MAPKAPK3: variants seen among roughly 807,000 people sequenced by gnomAD.
The protein encoded by MAPKAPK3 is MAPK activated protein kinase 3.
MAPKAPK3 carries 35 observed loss-of-function variants against 49.2 expected under a neutral mutation model. The observed-to-expected ratio is 0.71, with a 90% CI of 0.54 to 0.94. MAPKAPK3 has a LOEUF of 0.94. MAPKAPK3 is among the 40% of genes least tolerant of loss of function. The probability of loss-of-function intolerance (pLI) is 0.00; values close to 1 mark genes in which losing one functional copy is unlikely to be tolerated. For synonymous variants in MAPKAPK3, 178 were observed against 188.7 expected, an observed-to-expected ratio of 0.94 and a Z score of 0.46; for missense variants, 398 against 493.1, an observed-to-expected ratio of 0.81 and a Z score of 1.83.
At chr3:50,612,717 C>G (rs552019151), upstream of MAPKAPK3, 15 of 151,962 alleles carry the variant, frequency 9.9e-5, no homozygotes, top group African/African-American at 3.6e-4. Flanking sequence ...CCACCCCCAC[C>G]CCCCGCCAGA....
At chr3:50,637,031 T>C (rs981642810) in intron 2 of MAPKAPK3, among the ~76,000 whole-genome samples, 3 of 152,166 alleles carry the variant, frequency 2.0e-5, no homozygotes, top group Non-Finnish European at 4.4e-5. Flanking sequence ...TTCCTAAATA[T>C]GGACTCAGTG....
At chr3:50,611,996 T>A in exon 1 of MAPKAPK3, 1 of 321,976 alleles carries the variant, frequency 3.1e-6, no homozygotes, top group East Asian at 4.9e-5. Context: ...TTTGACAGAT[T>A]TCCAAGAACT....
At chr3:50,622,961 G>A (rs2032646704) in intron 2 of MAPKAPK3, among the ~76,000 whole-genome samples, 1 of 152,224 alleles carries the variant, frequency 6.6e-6, no homozygotes, top group Non-Finnish European at 1.5e-5. Context: ...ACTCTCCCTG[G>A]GGGGATGGTG....
intron 2 of MAPKAPK3, among the ~76,000 whole-genome samples, chr3:50,633,484 C>T (rs1014008192): frequency 4.6e-5 from 7 of 152,148 alleles, no homozygotes; most frequent in East Asian, 1.9e-4. Context: ...CACTCACCCA[C>T]GCACTGATGT....
At chr3:50,631,722 CAAGG>C (rs2032916089) in intron 2 of MAPKAPK3, among the ~76,000 whole-genome samples, 1 of 151,808 alleles carries the variant, frequency 6.6e-6, no homozygotes, top group Non-Finnish European at 1.5e-5. Flanking sequence ...GAAGACTTGT[CAAGG>C]AGGGAGTATG....
chr3:50,623,774 A>G (rs921935245), intron 2 of MAPKAPK3, among the ~76,000 whole-genome samples: 1 of 152,184 alleles, frequency 6.6e-6, no homozygotes, highest in African/African-American at 2.4e-5. Context: ...CATCTAAGTC[A>G]TCTCACTCCT....
rs547066123 is a variant in MAPKAPK3 at position 50,648,404 on chromosome 3, G to A, written c.*358G>A. ...GTGGCTGGGCTTCCCATCTTCCACA[G>A]AGACATCTCCCTGTGGGATGGGCAG... is the stretch of plus-strand genomic sequence containing the variant. On this transcript the variant is annotated 3_prime_UTR_variant, in exon 11 of 11. Coordinates refer to ENST00000621469, the MANE Select transcript of MAPKAPK3 (RefSeq NM_001243925.2). 4.3e-5 allele frequency: 8 copies of A among 185,074 alleles called. No individual in the cohort carries two copies. The highest frequency in any genetic ancestry group is 1.6e-4 in the African/African-American group (7 of 42,548). The allele number at this position is 185,074 out of a possible 1,614,324, so 11.5% of individuals were successfully genotyped here.
At chr3:50,634,635 C>T (rs1239393467) in intron 2 of MAPKAPK3, among the ~76,000 whole-genome samples, 2 of 152,044 alleles carry the variant, frequency 1.3e-5, no homozygotes, top group African/African-American at 2.4e-5. Flanking sequence ...ATTACAGGTG[C>T]GTACCACCAC....
chr3:50,622,627 G>A (rs1441273410), intron 2 of MAPKAPK3, among the ~76,000 whole-genome samples: 3 of 152,198 alleles, frequency 2.0e-5, no homozygotes, highest in Non-Finnish European at 1.5e-5. Flanking sequence ...CTTTTTCCAG[G>A]TTGCACCTTC....
At position 50,640,892 on chromosome 3, in the gene MAPKAPK3, A is replaced by T. The variant is rs2033164382; in HGVS notation, c.359+387A>T. On this transcript the variant is annotated intron_variant, in intron 3 of 10. Coordinates refer to ENST00000621469, the MANE Select transcript of MAPKAPK3 (RefSeq NM_001243925.2). ...CCTTTTGACCTGGGTATGTGCTCCC[A>T]TGGTCCCACCAGGAACTGGGTGCTT... is the stretch of plus-strand genomic sequence containing the variant. 2.6e-5 allele frequency among the ~76,000 whole-genome samples: 4 copies of T among 152,212 alleles called. No homozygotes were observed. In the South Asian group the frequency reaches 8.3e-4, roughly 31 times the overall value.
At chr3:50,620,013 G>A (rs1480398933) in intron 2 of MAPKAPK3, among the ~76,000 whole-genome samples, 2 of 152,280 alleles carry the variant, frequency 1.3e-5, no homozygotes, top group Non-Finnish European at 2.9e-5. Flanking sequence ...ATTAGATGTG[G>A]CTCCCACTCC....
intron 2 of MAPKAPK3, among the ~76,000 whole-genome samples, chr3:50,628,568 T>A (rs2032817284): frequency 6.6e-6 from 1 of 152,140 alleles, no homozygotes. Flanking sequence ...CTCTTTGAAG[T>A]TAAAGGAAGA....
chr3:50,646,300 G>A, intron 8 of MAPKAPK3, 36 bp downstream of exon 8: 1 of 1,610,792 alleles, frequency 6.2e-7, no homozygotes, highest in Non-Finnish European at 8.5e-7. Flanking sequence ...TGACTCACCT[G>A]GCCCCTGCGG....
rs1451252207 is a variant in MAPKAPK3, at chr3:50,647,240, A to G, written c.996+37A>G. The G allele has an allele frequency of 1.9e-6, 3 of 1,543,644 alleles. No homozygotes were observed. The Admixed American group carries it at 5.8e-5, about 30-fold the overall frequency. On this transcript the variant is annotated intron_variant, in intron 10 of 10. Coordinates refer to ENST00000621469, the MANE Select transcript of MAPKAPK3 (RefSeq NM_001243925.2). ...CTGCCTCAGTCTCAATACAGGTGCC[A>G]GGATTTGGGCAAAAGGGACTTCAGG... is the stretch of plus-strand genomic sequence containing the variant.
chr3:50,617,632 G>C lies in MAPKAPK3; in HGVS notation c.67G>C (p.Gly23Arg). The change falls in exon 2 of 11, where the codon GGC becomes CGC. Residue 23 changes from glycine (G) to arginine (R), a missense_variant. This residue lies in a region of MAPKAPK3 where 123 missense variants were observed against 117.7 expected (regional missense o/e 1.04). Coordinates refer to ENST00000621469, the MANE Select transcript of MAPKAPK3 (RefSeq NM_001243925.2). ...VPPPVAPGGP[G>R]LGGAPGGRRE... ...CCCGCCAGTTGCACCCGGCGGACCC[G>C]GCTTGGGCGGTGCTCCGGGGGGGCG... 6.2e-7 allele frequency: 1 copy of C among 1,608,820 alleles called. No homozygotes were observed. The highest frequency in any genetic ancestry group is 8.5e-7 in the Non-Finnish European group (1 of 1,176,424).
At position 50,637,631 on chromosome 3, in the gene MAPKAPK3, C is replaced by CA. The variant is rs1243243979; in HGVS notation, c.220-2721dup. On this transcript the variant is annotated intron_variant, in intron 2 of 10. Coordinates refer to ENST00000621469, the MANE Select transcript of MAPKAPK3 (RefSeq NM_001243925.2). ...TGGGTGACAGAGCAAGACTCTGTCT[C>CA]AAAAAAAAAAAAAAGAAAAGAAAAA... 6.3e-3 allele frequency among the ~76,000 whole-genome samples: 356 copies of CA among 56,210 alleles called. 1 individual carries two copies. The highest frequency in any genetic ancestry group is 0.028 in the Middle Eastern group (2 of 72). The allele number at this position is 56,210 out of a possible 152,430, so 36.9% of individuals were successfully genotyped here.
Position 50,646,122 on chromosome 3 carries a change from A to T in MAPKAPK3, c.705-18A>T, listed in dbSNP as rs1404358513. On this transcript the variant is annotated intron_variant, in intron 7 of 10. Coordinates refer to ENST00000621469, the MANE Select transcript of MAPKAPK3 (RefSeq NM_001243925.2). ...CACTGCTCCCACCCTATGCCAAATGACTTACCCCTTCCCCCAGCCTTTGTG... is the reference window on the plus strand; with the variant it reads ...CACTGCTCCCACCCTATGCCAAATGTCTTACCCCTTCCCCCAGCCTTTGTG... 6.2e-7 allele frequency: 1 copy of T among 1,611,388 alleles called. No individual in the cohort carries two copies. The highest frequency in any genetic ancestry group is 1.1e-5 in the South Asian group (1 of 90,936).
chr3:50,647,022 GT>G (rs1169605790), intron 9 of MAPKAPK3, 100 bp from the exon 10 acceptor site: 10 of 1,212,908 alleles, frequency 8.2e-6, no homozygotes, highest in Non-Finnish European at 1.2e-5. Context: ...CTGAGCCTTG[GT>G]TTTTCCATCT....
chr3:50,624,151 C>T (rs1394529419), intron 2 of MAPKAPK3, among the ~76,000 whole-genome samples: 1 of 152,232 alleles, frequency 6.6e-6, no homozygotes, highest in African/African-American at 2.4e-5. Context: ...TGTATCTGGG[C>T]TGGGCCAGCT....
Sources: allele counts gnomAD v4.1 joint callset (sites outside exome capture counted in the v4.1 genomes callset), GRCh38; gene constraint gnomAD v4.1.1; regional missense constraint gnomAD v4.1.1; transcripts MANE v1.5; gene names NCBI Gene and HGNC (gene_info 2026-07-23, HGNC 2026-07-21).